PRMT3: variants seen among roughly 807,000 people sequenced by gnomAD.
PRMT3 encodes the protein protein arginine N-methyltransferase 3.
PRMT3 carries 62 observed loss-of-function variants against 71.9 expected under a neutral mutation model. The observed-to-expected ratio is 0.86, with a 90% CI of 0.70 to 1.07. The LOEUF is 1.07. Among genes scored for constraint, PRMT3 ranks in the 50% least tolerant of loss-of-function variants. The probability of loss-of-function intolerance (pLI) is 0.00; values close to 1 mark genes in which losing one functional copy is unlikely to be tolerated. For synonymous variants in PRMT3, 213 were observed against 220.4 expected, an observed-to-expected ratio of 0.97 and a Z score of 0.30; for missense variants, 663 against 643.0, an observed-to-expected ratio of 1.03 and a Z score of -0.34.
intron 9 of PRMT3, among the ~76,000 whole-genome samples, chr11:20,423,339 A>G (rs1359029336): frequency 1.3e-5 from 2 of 152,200 alleles, no homozygotes; most frequent in Non-Finnish European, 2.9e-5. Flanking sequence ...TTTTCTCTAC[A>G]TATAGAATTC....
intron 10 of PRMT3, among the ~76,000 whole-genome samples, chr11:20,434,857 T>C (rs1849728263): frequency 1.3e-5 from 2 of 152,176 alleles, no homozygotes; most frequent in Admixed American, 6.5e-5. Context: ...ATTGCCTTGG[T>C]TATTTGGACT....
intron 8 of PRMT3, among the ~76,000 whole-genome samples, chr11:20,405,015 G>A (rs1849040263): frequency 6.6e-6 from 1 of 152,148 alleles, no homozygotes; most frequent in Non-Finnish European, 1.5e-5. Flanking sequence ...TCAAGTATTA[G>A]TAATCATAAG....
intron 10 of PRMT3, among the ~76,000 whole-genome samples, chr11:20,431,224 A>G (rs1450076110): frequency 2.0e-5 from 3 of 152,188 alleles, no homozygotes; most frequent in Non-Finnish European, 4.4e-5. Context: ...TGTACAATAC[A>G]TGAAGGCATG....
intron 13 of PRMT3, among the ~76,000 whole-genome samples, chr11:20,479,649 G>A (rs983746622): frequency 1.3e-5 from 2 of 152,124 alleles, no homozygotes; most frequent in Non-Finnish European, 2.9e-5. Flanking sequence ...CTCTAATTGT[G>A]TATGTTTGAA....
chr11:20,448,405 A>G lies in PRMT3; in HGVS notation c.994-3725A>G, dbSNP rs186462381. ...AGTAATACTGGTAAAAATGTTATCA[A>G]CTACTTATTATGATTCAGAGATATA... is the stretch of plus-strand genomic sequence containing the variant. On this transcript the variant is annotated intron_variant, in intron 10 of 15. Transcript: ENST00000331079. Among the ~76,000 whole-genome samples, 5 of 152,288 alleles carry G rather than the reference A, an allele frequency of 3.3e-5. No individual in the cohort carries two copies. The East Asian group carries it at 9.6e-4, about 29-fold the overall frequency.
intron 10 of PRMT3, among the ~76,000 whole-genome samples, chr11:20,433,592 T>G (rs1849700620): frequency 6.6e-6 from 1 of 152,062 alleles, no homozygotes; most frequent in African/African-American, 2.4e-5. Flanking sequence ...GTAATGGAAT[T>G]GTTGGGTCAC....
chr11:20,503,184 CCTTTTG>C (rs1193280995), intron 15 of PRMT3, among the ~76,000 whole-genome samples: 3 of 151,908 alleles, frequency 2.0e-5, no homozygotes, highest in Non-Finnish European at 4.4e-5. Flanking sequence ...CATCTGTCAA[CCTTTTG>C]CTTTTGGTGT....
chr11:20,469,284 G>A (rs1177653164), intron 13 of PRMT3, among the ~76,000 whole-genome samples: 2 of 152,124 alleles, frequency 1.3e-5, no homozygotes, highest in East Asian at 1.9e-4. Context: ...GAAGTCATAT[G>A]TTTTATCTTG....
At chr11:20,447,752 A>G (rs900537731) in intron 10 of PRMT3, among the ~76,000 whole-genome samples, 1 of 151,892 alleles carries the variant, frequency 6.6e-6, no homozygotes, top group African/African-American at 2.4e-5. Flanking sequence ...GCTTGCTGCC[A>G]CTGTTCTGCT....
intron 10 of PRMT3, among the ~76,000 whole-genome samples, chr11:20,446,606 A>G (rs1850035913): frequency 6.6e-6 from 1 of 152,108 alleles, no homozygotes; most frequent in Admixed American, 6.5e-5. Flanking sequence ...CCACTCATAC[A>G]GTTGTGGGAA....
chr11:20,401,416 G>T (rs1848945788), intron 7 of PRMT3, among the ~76,000 whole-genome samples: 1 of 152,012 alleles, frequency 6.6e-6, no homozygotes, highest in African/African-American at 2.4e-5. Context: ...TTCAGGAGAA[G>T]ATTTAATAAT....
intron 13 of PRMT3, among the ~76,000 whole-genome samples, chr11:20,476,758 TTTTTA>T (rs1457449259): frequency 6.6e-6 from 1 of 151,838 alleles, no homozygotes; most frequent in Non-Finnish European, 1.5e-5. Flanking sequence ...TTTTAGAGTT[TTTTTA>T]TCTCTTTAAC....
chr11:20,446,213 CT>C (rs1421678621), intron 10 of PRMT3, among the ~76,000 whole-genome samples: 2 of 152,044 alleles, frequency 1.3e-5, no homozygotes, highest in African/African-American at 4.8e-5. Flanking sequence ...CTTCTCAACC[CT>C]GGGTATTGTG....
At chr11:20,389,869 T>TAATTTCACAAATTTCAC in intron 3 of PRMT3, 43 bp downstream of exon 3, 1 of 1,430,622 alleles carries the variant, frequency 7.0e-7, no homozygotes, top group East Asian at 2.3e-5. Context: ...TTGTGAAATT[T>TAATTTCACAAATTTCAC]GGGCAGGCAT....
At chr11:20,504,703 TGTGTGAGA>T (rs1565243370) in intron 15 of PRMT3, among the ~76,000 whole-genome samples, 2 of 123,586 alleles carry the variant, frequency 1.6e-5, no homozygotes, top group South Asian at 2.5e-4. Flanking sequence ...TGTGTGTGTG[TGTGTGAGA>T]GAGAGAGAGA....
At chr11:20,418,376 AAG>A (rs1849354338) in intron 9 of PRMT3, among the ~76,000 whole-genome samples, 1 of 152,204 alleles carries the variant, frequency 6.6e-6, no homozygotes. Flanking sequence ...AGTCTCATGA[AAG>A]AGGTTTTCTG....
chr11:20,493,820 A>G (rs1443491932), intron 13 of PRMT3, 99 bp from the exon 14 acceptor site: 2 of 794,078 alleles, frequency 2.5e-6, no homozygotes, highest in African/African-American at 3.5e-5. Flanking sequence ...TTAGTCTCTG[A>G]AATGGTTTAT....
At chr11:20,421,420 C>G (rs1476795131) in intron 9 of PRMT3, among the ~76,000 whole-genome samples, 1 of 152,190 alleles carries the variant, frequency 6.6e-6, no homozygotes, top group Non-Finnish European at 1.5e-5. Flanking sequence ...TGGGGATGAA[C>G]ATCCCCCAAT....
intron 11 of PRMT3, among the ~76,000 whole-genome samples, chr11:20,457,250 C>G (rs1448574955): frequency 6.6e-6 from 1 of 152,064 alleles, no homozygotes; most frequent in Non-Finnish European, 1.5e-5. Flanking sequence ...TCTTTTCAAC[C>G]CCCTTTCTCC....
Sources: allele counts gnomAD v4.1 joint callset (sites outside exome capture counted in the v4.1 genomes callset), GRCh38; gene constraint gnomAD v4.1.1; transcripts MANE v1.5; gene names NCBI Gene and HGNC (gene_info 2026-07-23, HGNC 2026-07-21).